The following ERCC6 variants were observed in gnomAD, a reference collection of about 807,000 sequenced individuals.
ERCC6 encodes the protein DNA excision repair protein ERCC-6.
ERCC6 carries 116 observed loss-of-function variants against 158.7 expected under a neutral mutation model. The observed-to-expected ratio is 0.73, with a 90% confidence interval of 0.63 to 0.85. ERCC6 has a LOEUF of 0.85. Ranked by LOEUF, ERCC6 falls within the 40% of genes least tolerant of loss-of-function variation. The pLI is 0.00. For synonymous variants in ERCC6, 678 were observed against 659.3 expected (o/e 1.03, Z -0.43); for missense variants, 1,698 against 1,799.4 (o/e 0.94, Z 1.02).
downstream of ERCC6, among the ~76,000 whole-genome samples, chr10:49,453,096 C>T (rs192799836): frequency 7.2e-5 from 11 of 152,046 alleles, no homozygotes; most frequent in East Asian, 1.7e-3. Context: ...TTCTAGTATC[C>T]ATTGTGTTCT....
chr10:49,532,394 G>T, intron 2 of ERCC6, 149 bp downstream of exon 2: 1 of 1,232,196 alleles, frequency 8.1e-7, no homozygotes, highest in Non-Finnish European at 1.1e-6. Context: ...TCAAAGATGA[G>T]GTTGAGGACT....
chr10:49,459,440 A>G (rs1770516773), intron 20 of ERCC6, among the ~76,000 whole-genome samples: 2 of 150,814 alleles, frequency 1.3e-5, no homozygotes, highest in Admixed American at 1.3e-4. Context: ...ACCGTTTCCT[A>G]AAAAAAAATA....
Position 49,472,915 on chromosome 10 carries a change from G to A in ERCC6, c.2823C>T (p.Asp941=), listed in dbSNP as rs745530799. The stretch of plus-strand genomic sequence containing the variant: ...AAAAAAAATAAAAACAAACCTGCGT[G>A]TCCGTGCTTGGGTTCCAGTCTGGGT... ...IYDPDWNPST[D]TQARERAWRI... Residue 941 remains aspartate, a synonymous_variant, in exon 15 of 21, where the codon GAC becomes GAT. Transcript: ENST00000355832. 50 of 1,613,818 alleles carry A rather than the reference G, an allele frequency of 3.1e-5. No individual in the cohort carries two copies. The highest frequency in any genetic ancestry group is 4.1e-5 in the Non-Finnish European group (48 of 1,179,960).
chr10:49,477,945 G>GCCA (rs1404069189), intron 11 of ERCC6, among the ~76,000 whole-genome samples: 3 of 152,082 alleles, frequency 2.0e-5, no homozygotes, highest in African/African-American at 7.2e-5. Context: ...ACTTAATGCT[G>GCCA]CCACCTGACA....
chr10:49,509,288 T>C (rs971515458), intron 5 of ERCC6, among the ~76,000 whole-genome samples: 1 of 152,188 alleles, frequency 6.6e-6, no homozygotes, highest in African/African-American at 2.4e-5. Flanking sequence ...TAAAACCACA[T>C]ACATTTTCTG....
In ERCC6 at chr10:49,528,539, T is replaced by C. The variant is rs1250585312; in HGVS notation, c.544-14A>G. The C allele has an allele frequency of 1.9e-6, 3 of 1,613,902 alleles. No homozygotes were observed. The highest frequency in any genetic ancestry group is 1.1e-5 in the South Asian group (1 of 91,060). Reference sequence around the variant, plus strand: ...TAGCTGTTGTTCCTTGAATGGTAAATATAGAAGACAGAAAACAGCAATGAA... The same window carrying C: ...TAGCTGTTGTTCCTTGAATGGTAAACATAGAAGACAGAAAACAGCAATGAA... On this transcript the variant is annotated splice_polypyrimidine_tract_variant and intron_variant, in intron 3 of 20. Transcript: ENST00000355832.
At chr10:49,505,720 T>A (rs1006098889) in intron 6 of ERCC6, 164 bp downstream of exon 6, 4 of 727,958 alleles carry the variant, frequency 5.5e-6, no homozygotes, top group Non-Finnish European at 6.7e-6. Flanking sequence ...CCAATTTTAA[T>A]GAACAGCACG....
In ERCC6 at chr10:49,456,385, C is replaced by T. The variant is rs1029490492; in HGVS notation, c.*2430G>A. On this transcript the variant is annotated 3_prime_UTR_variant, in exon 21 of 21. Coordinates refer to ENST00000355832, the MANE Select transcript of ERCC6 (RefSeq NM_000124.4). ...GAAGTTTAAAACTTAGTCATATGGC[C>T]ACAATTAACTATAAGAGAGGCTGAG... 2 of 152,094 alleles carry T rather than the reference C, an allele frequency of 1.3e-5. No homozygotes were observed. Among genetic ancestry groups the T allele is most frequent in the Non-Finnish European group, 2.9e-5 (2 of 68,018 alleles). The allele number at this position is 152,094 out of a possible 1,614,324, so 9.4% of individuals were successfully genotyped here.
chr10:49,476,093 A>T lies in ERCC6; in HGVS notation c.2382+122T>A, dbSNP rs771037718. The T allele has an allele frequency of 4.0e-6, 3 of 755,500 alleles. No homozygotes were observed. In the African/African-American group the frequency reaches 5.2e-5, roughly 13 times the overall value. 46.8% of individuals were successfully genotyped at this position (755,500 alleles called of 1,614,324 possible). On this transcript the variant is annotated intron_variant, in intron 12 of 20. Transcript: ENST00000355832. The stretch of plus-strand genomic sequence containing the variant: ...CTGCACATCTACCATGCGGGACTTC[A>T]TGCAAGTGAAGTGAGATGACAGTAC...
At position 49,483,444 on chromosome 10, in the gene ERCC6, G is replaced by C; in HGVS notation, c.1894C>G (p.Gln632Glu). The change falls in exon 9 of 21, where the codon CAG (glutamine) becomes GAG (glutamate). Residue 632 changes from glutamine (Q) to glutamate (E), a missense_variant. Gln to Glu is a conservative substitution (Grantham distance 29). Coordinates refer to ENST00000355832, the MANE Select transcript of ERCC6 (RefSeq NM_000124.4). ...CAGTCATACCTGCTAATGTCATCCT[G>C]CATCAATCGAATGTAGGAGTAAGAT... ...ITSYSYIRLMQDDISRYDWHY... is the reference protein window; with the variant it reads ...ITSYSYIRLMEDDISRYDWHY... 2 of 1,613,652 alleles carry C rather than the reference G, an allele frequency of 1.2e-6. No homozygotes were observed. The highest frequency in any genetic ancestry group is 1.7e-6 in the Non-Finnish European group (2 of 1,179,554).
rs202080674 is a variant in ERCC6 at position 49,482,848 on chromosome 10, G to A, written c.2008C>T (p.Arg670Trp). ...LACKQFRTPH[R>W]IILSGSPMQN... ...ATCGGTGAGCCAGACAGAATGATCC[G>A]ATGAGGGGTGCGAAACTATTTGAGG... The change falls in exon 10 of 21, where the codon CGG (arginine) becomes TGG (tryptophan). Residue 670 changes from arginine to tryptophan, a missense_variant. Physicochemically the swap from Arg to Trp is moderately radical, Grantham distance 101. Coordinates refer to ENST00000355832, the MANE Select transcript of ERCC6 (RefSeq NM_000124.4). 5.0e-6 allele frequency: 8 copies of A among 1,614,034 alleles called. No homozygotes were observed. Among genetic ancestry groups the A allele is most frequent in the Admixed American group, 1.7e-5 (1 of 60,018 alleles).
intron 5 of ERCC6, chr10:49,517,111 G>A (rs1466603009): frequency 3.8e-6 from 6 of 1,589,848 alleles, no homozygotes; most frequent in East Asian, 4.5e-5. Flanking sequence ...AGTGTTCGAG[G>A]CATCTTGGGA....
At position 49,465,176 on chromosome 10, in the gene ERCC6, T is replaced by G. The variant is rs184076642; in HGVS notation, c.3779-3620A>C. On this transcript the variant is annotated intron_variant, in intron 18 of 20. Coordinates refer to ENST00000355832, the MANE Select transcript of ERCC6 (RefSeq NM_000124.4). ...TAGGAACCCACCTCTTGCATCAGCGTGACCTGGATGCGAGACAAGGAGTCA... is the reference window on the plus strand; with the variant it reads ...TAGGAACCCACCTCTTGCATCAGCGGGACCTGGATGCGAGACAAGGAGTCA... Among the ~76,000 whole-genome samples the G allele has an allele frequency of 2.6e-4, 40 of 152,352 alleles. No homozygotes were observed. The East Asian group carries it at 7.7e-3, about 29-fold the overall frequency.
At chr10:49,508,142 A>G (rs146492193) in intron 5 of ERCC6, among the ~76,000 whole-genome samples, 106 of 152,316 alleles carry the variant, frequency 7.0e-4, no homozygotes, top group African/African-American at 2.4e-3. Flanking sequence ...TAAACCTTGG[A>G]AGAATCACAG....
At chr10:49,515,592 T>G (rs1355157853) in intron 5 of ERCC6, 2 of 1,614,066 alleles carry the variant, frequency 1.2e-6, no homozygotes, top group South Asian at 1.1e-5. Flanking sequence ...ATCCACTGGT[T>G]TCTCATCATA....
intron 18 of ERCC6, among the ~76,000 whole-genome samples, chr10:49,469,186 C>T (rs1334189891): frequency 6.6e-6 from 1 of 152,178 alleles, no homozygotes; most frequent in Non-Finnish European, 1.5e-5. Context: ...TACACAGTCT[C>T]AAAGCATATT....
At chr10:49,492,842 C>T (rs985705558) in intron 8 of ERCC6, among the ~76,000 whole-genome samples, 1 of 152,208 alleles carries the variant, frequency 6.6e-6, no homozygotes, top group Non-Finnish European at 1.5e-5. Flanking sequence ...ACCCACACTG[C>T]CAGGCTTGTG....
intron 5 of ERCC6, among the ~76,000 whole-genome samples, chr10:49,510,941 G>A (rs188156428): frequency 1.3e-5 from 2 of 151,136 alleles, no homozygotes; most frequent in East Asian, 3.9e-4. Flanking sequence ...GTTAAGGTTC[G>A]CTACAAAAAA....
intron 5 of ERCC6, among the ~76,000 whole-genome samples, chr10:49,523,741 C>T (rs900044850): frequency 1.3e-5 from 2 of 152,102 alleles, no homozygotes; most frequent in African/African-American, 4.8e-5. Context: ...GGCGACACAG[C>T]TCACACTCAG....
Sources: allele counts gnomAD v4.1 joint callset (sites outside exome capture counted in the v4.1 genomes callset), GRCh38; gene constraint gnomAD v4.1.1; transcripts MANE v1.5; gene names NCBI Gene and HGNC (gene_info 2026-07-23, HGNC 2026-07-21).